CRADD: variants seen among roughly 807,000 people sequenced by gnomAD.
CRADD encodes the protein death domain-containing protein CRADD.
Under a neutral mutation model 15.5 loss-of-function variants are expected in CRADD, and 9 were observed. The observed-to-expected ratio is 0.58, with a 90% CI of 0.35 to 1.01. CRADD has a LOEUF of 1.01. Among genes scored for constraint, CRADD ranks in the 50% least tolerant of loss-of-function variants. CRADD has a pLI of 0.02. For missense variants in CRADD, 227 were observed against 250.3 expected (o/e 0.91, Z 0.63); for synonymous variants, 118 against 107.6 (o/e 1.10, Z -0.60).
chr12:93,775,010 T>C (rs1957126261), intron 2 of CRADD, among the ~76,000 whole-genome samples: 1 of 152,172 alleles, frequency 6.6e-6, no homozygotes, highest in African/African-American at 2.4e-5. Flanking sequence ...ATACACACAC[T>C]TGTGTTTGTG....
chr12:93,783,805 A>G (rs11832875), intron 2 of CRADD, among the ~76,000 whole-genome samples: 4,876 of 152,334 alleles, frequency 0.032, 253 homozygotes, highest in African/African-American at 0.11. Flanking sequence ...AAAATGTCAA[A>G]GCAAATGAAC....
chr12:93,879,062 T>C (rs1216738815), intron 2 of CRADD, among the ~76,000 whole-genome samples: 1 of 152,172 alleles, frequency 6.6e-6, no homozygotes, highest in African/African-American at 2.4e-5. Context: ...TCTTTTTTCC[T>C]CATGATTTTT....
At chr12:93,852,175 C>T (rs1184879913), downstream of CRADD, among the ~76,000 whole-genome samples, 1 of 152,204 alleles carries the variant, frequency 6.6e-6, no homozygotes, top group Non-Finnish European at 1.5e-5. Flanking sequence ...GGACTTATTA[C>T]ATTGCTGTCT....
intron 2 of CRADD, among the ~76,000 whole-genome samples, chr12:93,857,588 A>C (rs1037195970): frequency 6.6e-6 from 1 of 152,258 alleles, no homozygotes; most frequent in African/African-American, 2.4e-5. Flanking sequence ...GTGTTGCTAC[A>C]TGGGAATACC....
intron 2 of CRADD, among the ~76,000 whole-genome samples, chr12:93,873,074 T>G (rs571346695): frequency 6.6e-6 from 1 of 152,242 alleles, no homozygotes; most frequent in South Asian, 2.1e-4. Flanking sequence ...GGTGTCCTCT[T>G]CAATTTCTTT....
chr12:93,726,106 T>G (rs1956361276), intron 2 of CRADD, among the ~76,000 whole-genome samples: 1 of 148,610 alleles, frequency 6.7e-6, no homozygotes, highest in Non-Finnish European at 1.5e-5. Flanking sequence ...TTTTTTTTTT[T>G]TTTTTTTTTT....
At chr12:93,853,830 G>A (rs1195882648), downstream of CRADD, among the ~76,000 whole-genome samples, 1 of 152,132 alleles carries the variant, frequency 6.6e-6, no homozygotes, top group African/African-American at 2.4e-5. Flanking sequence ...GCCACTATTC[G>A]CTGCCGTCAT....
chr12:93,760,963 A>G lies in CRADD; in HGVS notation c.298+81891A>G, dbSNP rs571650442. On this transcript the variant is annotated intron_variant, in intron 2 of 2. Transcript: ENST00000332896. ...CTGGTTCAAGCAGAGGGGCCTGTAAAGCCAGGGCTGTAAGGTGGGCATGTG... is the reference window on the plus strand; with the variant it reads ...CTGGTTCAAGCAGAGGGGCCTGTAAGGCCAGGGCTGTAAGGTGGGCATGTG... Among the ~76,000 whole-genome samples, 3 of 152,108 alleles carry G rather than the reference A, an allele frequency of 2.0e-5. No homozygotes were observed. In the East Asian group the frequency reaches 5.8e-4, roughly 30 times the overall value.
intron 2 of CRADD, among the ~76,000 whole-genome samples, chr12:93,870,471 T>C (rs1002099852): frequency 2.6e-5 from 4 of 152,156 alleles, no homozygotes; most frequent in Admixed American, 1.3e-4. Flanking sequence ...AAGGGCAGGC[T>C]ACTGACATTT....
At chr12:93,776,102 A>G (rs1162987494) in intron 2 of CRADD, among the ~76,000 whole-genome samples, 1 of 152,198 alleles carries the variant, frequency 6.6e-6, no homozygotes, top group African/African-American at 2.4e-5. Flanking sequence ...CATTTAATAT[A>G]TGCATTTTCT....
At chr12:93,894,138 G>A (rs1160583886) in exon 3 of CRADD, 7 of 702,210 alleles carry the variant, frequency 1.0e-5, no homozygotes, top group African/African-American at 3.5e-5. Context: ...TCCTCTCTCT[G>A]CCATCACCCC....
chr12:93,767,973 T>C (rs1957043302), intron 2 of CRADD, among the ~76,000 whole-genome samples: 1 of 152,246 alleles, frequency 6.6e-6, no homozygotes, highest in African/African-American at 2.4e-5. Context: ...AAGAATTAAG[T>C]ATATACATTG....
chr12:93,702,352 A>AG (rs1210596384), intron 2 of CRADD, among the ~76,000 whole-genome samples: 1 of 151,028 alleles, frequency 6.6e-6, no homozygotes, highest in Non-Finnish European at 1.5e-5. Context: ...GCCTAGGGAG[A>AG]GAAAAAAAAC....
chr12:93,704,197 T>C (rs1315649901), intron 2 of CRADD, among the ~76,000 whole-genome samples: 1 of 152,162 alleles, frequency 6.6e-6, no homozygotes, highest in East Asian at 1.9e-4. Flanking sequence ...AATTTAATAC[T>C]CTTAACAAAA....
At chr12:93,855,875 T>C (rs1322206490) in intron 2 of CRADD, among the ~76,000 whole-genome samples, 3 of 152,246 alleles carry the variant, frequency 2.0e-5, no homozygotes, top group Non-Finnish European at 4.4e-5. Flanking sequence ...TGGAGTGCTG[T>C]GGCATGATCT....
chr12:93,777,746 G>A (rs745320964), intron 2 of CRADD, among the ~76,000 whole-genome samples: 4 of 152,104 alleles, frequency 2.6e-5, no homozygotes, highest in Non-Finnish European at 5.9e-5. Flanking sequence ...TTAATCTCAC[G>A]GTATACTCGG....
intron 2 of CRADD, among the ~76,000 whole-genome samples, chr12:93,796,636 T>C (rs1197559731): frequency 6.6e-6 from 1 of 151,168 alleles, no homozygotes; most frequent in Admixed American, 6.6e-5. Context: ...ATAATACATA[T>C]TCTTTATTAG....
intron 2 of CRADD, among the ~76,000 whole-genome samples, chr12:93,886,865 T>C (rs1374555003): frequency 6.6e-6 from 1 of 152,112 alleles, no homozygotes; most frequent in Non-Finnish European, 1.5e-5. Context: ...CATTTTATGG[T>C]CATGGGCATA....
chr12:93,810,075 G>T (rs2137006543), intron 2 of CRADD, among the ~76,000 whole-genome samples: 1 of 152,260 alleles, frequency 6.6e-6, no homozygotes, highest in African/African-American at 2.4e-5. Flanking sequence ...AAATTAACCA[G>T]ACCATATTAA....
Sources: gnomAD v4.1 joint callset for allele counts (sites outside exome capture counted in the v4.1 genomes callset) on GRCh38, gnomAD v4.1.1 for gene constraint, MANE v1.5 for transcripts, NCBI Gene and HGNC (gene_info 2026-07-23, HGNC 2026-07-21) for gene names.